The following CNNM2 variants were observed in gnomAD, a reference collection of about 807,000 sequenced individuals.
CNNM2 encodes metal transporter CNNM2.
A neutral mutation model predicts 66.9 loss-of-function variants in CNNM2; 12 were observed. That is an observed-to-expected ratio of 0.18 (90% CI 0.11 to 0.29). CNNM2 has a LOEUF of 0.29. Among genes scored for constraint, CNNM2 ranks in the 10% least tolerant of loss-of-function variants. The pLI is 1.00. For missense variants in CNNM2, 705 were observed against 1,167.7 expected, an observed-to-expected ratio of 0.60 and a Z score of 5.77; for synonymous variants, 557 against 501.8, an observed-to-expected ratio of 1.11 and a Z score of -1.47.
chr10:103,066,555 CCTCA>C (rs567619023), intron 4 of CNNM2, among the ~76,000 whole-genome samples: 1 of 152,196 alleles, frequency 6.6e-6, no homozygotes, highest in Non-Finnish European at 1.5e-5. Context: ...CCAGATGTGC[CCTCA>C]CTCCTCCCTG....
intron 1 of CNNM2, among the ~76,000 whole-genome samples, chr10:102,938,932 A>G (rs1420218656): frequency 6.6e-6 from 1 of 152,124 alleles, no homozygotes; most frequent in Non-Finnish European, 1.5e-5. Flanking sequence ...ATATTTGAGG[A>G]GAGCCTCTAA....
In CNNM2 at chr10:103,039,575, C is replaced by T. The variant is rs571482996; in HGVS notation, c.1622-10132C>T. Among the ~76,000 whole-genome samples the T allele has an allele frequency of 1.4e-4, 21 of 152,138 alleles. 1 individual carries two copies. The South Asian group carries it at 3.3e-3, about 24-fold the overall frequency. On this transcript the variant is annotated intron_variant, in intron 1 of 7. Transcript: ENST00000369878. ...GGGTTTATTTTTCTTTGGGTTTTGC[C>T]GGTGTTTAATTGAGAGGGAAATGGA...
chr10:102,947,068 T>C (rs930356148), intron 1 of CNNM2, among the ~76,000 whole-genome samples: 25 of 152,106 alleles, frequency 1.6e-4, no homozygotes, highest in African/African-American at 3.4e-4. Flanking sequence ...TGATTTTTTT[T>C]CTCATAAATA....
At chr10:103,028,814 C>CTTTTTT (rs67846722) in intron 1 of CNNM2, among the ~76,000 whole-genome samples, 39 of 126,114 alleles carry the variant, frequency 3.1e-4, no homozygotes, top group African/African-American at 3.9e-4. Flanking sequence ...TTTTCTTTTT[C>CTTTTTT]TTTTTTTTTT....
chr10:103,047,276 G>C (rs954427219), intron 1 of CNNM2, among the ~76,000 whole-genome samples: 1 of 152,186 alleles, frequency 6.6e-6, no homozygotes, highest in African/African-American at 2.4e-5. Context: ...ATACTCATGG[G>C]TGAAACATCA....
At chr10:103,067,156 T>C (rs2065492943) in intron 4 of CNNM2, among the ~76,000 whole-genome samples, 2 of 151,484 alleles carry the variant, frequency 1.3e-5, no homozygotes, top group African/African-American at 4.9e-5. Flanking sequence ...TGGAGTGCAG[T>C]GGCGTGATCA....
At chr10:103,067,302 A>G (rs1289598767) in intron 4 of CNNM2, among the ~76,000 whole-genome samples, 2 of 151,970 alleles carry the variant, frequency 1.3e-5, no homozygotes, top group African/African-American at 4.8e-5. Flanking sequence ...TCCTGGGCTC[A>G]AGCAATTTGC....
At chr10:102,986,762 A>G (rs1450203139) in intron 1 of CNNM2, among the ~76,000 whole-genome samples, 1 of 135,302 alleles carries the variant, frequency 7.4e-6, no homozygotes, top group Non-Finnish European at 1.5e-5. Context: ...CCGGGGTGAC[A>G]GTGCAAGACT....
intron 1 of CNNM2, among the ~76,000 whole-genome samples, chr10:103,008,701 C>A (rs1171653714): frequency 6.7e-6 from 1 of 148,622 alleles, no homozygotes; most frequent in Non-Finnish European, 1.5e-5. Context: ...ATCATTTGAA[C>A]CGGGGAGGCG....
At chr10:103,068,806 G>T in intron 5 of CNNM2, 84 bp downstream of exon 5, 1 of 1,077,842 alleles carries the variant, frequency 9.3e-7, no homozygotes, top group African/African-American at 1.6e-5. Flanking sequence ...TTCTGTATCT[G>T]CCAGCTGACC....
intron 1 of CNNM2, among the ~76,000 whole-genome samples, chr10:102,976,692 T>C (rs562042235): frequency 7.3e-6 from 1 of 136,252 alleles, no homozygotes; most frequent in African/African-American, 2.7e-5. Context: ...GGTCTTGAAC[T>C]CCTGACCTGA....
intron 1 of CNNM2, among the ~76,000 whole-genome samples, chr10:103,022,036 G>A (rs149667516): frequency 1.1e-3 from 160 of 152,302 alleles, no homozygotes; most frequent in African/African-American, 3.4e-3. Context: ...GTGAGACGTG[G>A]CATTCTGAGT....
intron 1 of CNNM2, chr10:102,920,956 G>A (rs181611438): frequency 3.0e-6 from 1 of 327,918 alleles, no homozygotes; most frequent in African/African-American, 2.2e-5. Context: ...CTCTATTGGG[G>A]CTTATTTATT....
chr10:102,973,228 C>T (rs1025445379), intron 1 of CNNM2, among the ~76,000 whole-genome samples: 8 of 151,738 alleles, frequency 5.3e-5, no homozygotes, highest in Non-Finnish European at 8.8e-5. Flanking sequence ...TATACTGCTG[C>T]CAGATTAATC....
At chr10:103,050,536 CAAAA>C (rs572731260) in intron 2 of CNNM2, among the ~76,000 whole-genome samples, 3 of 100,126 alleles carry the variant, frequency 3.0e-5, no homozygotes, top group Non-Finnish European at 2.2e-5. Flanking sequence ...GAGTCCACCT[CAAAA>C]AAAAAAAAAA....
rs1390844061 is a variant in CNNM2 at position 103,081,156 on chromosome 10, T to C, written c.*3976T>C. The C allele has an allele frequency of 6.6e-6, 1 of 152,284 alleles. No individual in the cohort carries two copies. The highest frequency in any genetic ancestry group is 1.5e-5 in the Non-Finnish European group (1 of 68,082). 9.4% of individuals were successfully genotyped at this position (152,284 alleles called of 1,614,324 possible). A position where few individuals can be genotyped will look rare whatever the true frequency, so the allele number is the denominator to read the frequency against. ...GGCTGGCTTTGCACGCTATGTAGCA[T>C]GACCCAAGCTCCCTGGTGGCATGGG... On this transcript the variant is annotated 3_prime_UTR_variant, in exon 8 of 8. Transcript: ENST00000369878.
rs7918582 is a variant in CNNM2, at chr10:102,929,135, C to T, written c.1621+9034C>T. ...ATTAGCCGGGCGTGGTGGCATGTGC[C>T]TGTAGTCCCAGCTACTTAGGAGGCT... is the stretch of plus-strand genomic sequence containing the variant. On this transcript the variant is annotated intron_variant, in intron 1 of 7. Transcript: ENST00000369878. 0.11 allele frequency among the ~76,000 whole-genome samples: 16,528 copies of T among 152,130 alleles called. 910 individuals are homozygous for T. Among genetic ancestry groups the T allele is most frequent in the Middle Eastern group, 0.18 (52 of 294 alleles).
chr10:102,985,542 A>C (rs1316808793), intron 1 of CNNM2, among the ~76,000 whole-genome samples: 1 of 152,070 alleles, frequency 6.6e-6, no homozygotes, highest in Non-Finnish European at 1.5e-5. Context: ...TGTCTCACTT[A>C]TGTTCTCCTT....
intron 1 of CNNM2, among the ~76,000 whole-genome samples, chr10:102,975,733 A>G (rs907961686): frequency 2.6e-5 from 4 of 152,146 alleles, no homozygotes; most frequent in South Asian, 2.1e-4. Flanking sequence ...CCTCCTTCCA[A>G]TTGTAAAATT....
Sources: allele counts gnomAD v4.1 joint callset (sites outside exome capture counted in the v4.1 genomes callset), GRCh38; gene constraint gnomAD v4.1.1; transcripts MANE v1.5; gene names NCBI Gene and HGNC (gene_info 2026-07-23, HGNC 2026-07-21).